The following NTNG1 variants were observed in gnomAD, a reference collection of about 807,000 sequenced individuals.
The protein encoded by NTNG1 is netrin G1, also known as netrin-G1.
A neutral mutation model predicts 54.0 loss-of-function variants in NTNG1; 16 were observed. That is an observed-to-expected ratio of 0.30 (90% CI 0.20 to 0.45). The LOEUF is 0.45. Among genes scored for constraint, NTNG1 ranks in the 20% least tolerant of loss-of-function variants. NTNG1 has a pLI of 1.00. For missense variants in NTNG1, 530 were observed against 678.7 expected, an observed-to-expected ratio of 0.78 and a Z score of 2.43; for synonymous variants, 255 against 263.1, an observed-to-expected ratio of 0.97 and a Z score of 0.30.
In NTNG1 at chr1:107,324,672, G is replaced by A; in HGVS notation, c.637G>A (p.Gly213Arg). Residue 213 changes from glycine (G) to arginine (R), a missense_variant, in exon 3 of 8, where the codon GGG (glycine) becomes AGG (arginine). Gly to Arg is a moderately radical substitution (Grantham distance 125). Coordinates refer to ENST00000370068, the MANE Select transcript of NTNG1 (RefSeq NM_001113226.3). ...CATTTGCACAGAAGAGTACTCAACAGGGTATACAACAAATAGCAAAATAAT... is the reference window on the plus strand; with the variant it reads ...CATTTGCACAGAAGAGTACTCAACAAGGTATACAACAAATAGCAAAATAAT... ...EIICTEEYST[G>R]YTTNSKIIHF... 1 of 1,613,624 alleles carries A rather than the reference G, an allele frequency of 6.2e-7. No individual in the cohort carries two copies. The highest frequency in any genetic ancestry group is 2.2e-5 in the East Asian group (1 of 44,814).
At chr1:107,454,798 A>T (rs912769626) in intron 7 of NTNG1, among the ~76,000 whole-genome samples, 1 of 152,238 alleles carries the variant, frequency 6.6e-6, no homozygotes, top group Admixed American at 6.5e-5. Flanking sequence ...CAATATCCCT[A>T]TAATAGAAGA....
intron 3 of NTNG1, among the ~76,000 whole-genome samples, chr1:107,387,076 C>A (rs61799245): frequency 6.6e-6 from 1 of 152,202 alleles, no homozygotes; most frequent in Non-Finnish European, 1.5e-5. Context: ...AGATTCTTCA[C>A]CCATTTTCTA....
chr1:107,206,544 T>G (rs1287413311), intron 2 of NTNG1, among the ~76,000 whole-genome samples: 1 of 152,128 alleles, frequency 6.6e-6, no homozygotes, highest in African/African-American at 2.4e-5. Flanking sequence ...TGCCATGATG[T>G]TCTTCTCATG....
chr1:107,425,905 T>A (rs937441615), intron 5 of NTNG1, among the ~76,000 whole-genome samples: 6 of 152,176 alleles, frequency 3.9e-5, no homozygotes, highest in African/African-American at 1.4e-4. Context: ...TTAGTGTGAT[T>A]TTAATTTACA....
chr1:107,284,913 T>G (rs1665093847), intron 2 of NTNG1, among the ~76,000 whole-genome samples: 1 of 152,138 alleles, frequency 6.6e-6, no homozygotes, highest in South Asian at 2.1e-4. Context: ...GTCCACTGAC[T>G]TAGAATGATA....
chr1:107,351,277 T>C (rs1669581888), intron 3 of NTNG1, among the ~76,000 whole-genome samples: 1 of 152,216 alleles, frequency 6.6e-6, no homozygotes, highest in Non-Finnish European at 1.5e-5. Context: ...ATGGCTGTTT[T>C]AGTCAGTTTG....
intron 2 of NTNG1, among the ~76,000 whole-genome samples, chr1:107,209,284 T>C (rs1035160326): frequency 6.6e-6 from 1 of 152,090 alleles, no homozygotes; most frequent in Non-Finnish European, 1.5e-5. Context: ...TGACTTTTTT[T>C]GGTCTATTCA....
At chr1:107,455,054 T>G (rs1380520294) in intron 7 of NTNG1, among the ~76,000 whole-genome samples, 1 of 151,416 alleles carries the variant, frequency 6.6e-6, no homozygotes, top group Admixed American at 6.6e-5. Context: ...GTCACTCACA[T>G]GGTGACTATT....
intron 2 of NTNG1, among the ~76,000 whole-genome samples, chr1:107,253,913 G>A (rs1381287164): frequency 6.6e-6 from 1 of 152,192 alleles, no homozygotes; most frequent in Non-Finnish European, 1.5e-5. Flanking sequence ...AGTGAACAGT[G>A]AACAAACACA....
chr1:107,208,442 AAAG>A (rs1178088977), intron 2 of NTNG1, among the ~76,000 whole-genome samples: 401 of 136,346 alleles, frequency 2.9e-3, no homozygotes, highest in African/African-American at 8.6e-3. Flanking sequence ...AAAAAAAAAA[AAAG>A]AAAGAAAGAA....
intron 2 of NTNG1, 52 bp from the exon 3 acceptor site, chr1:107,324,230 A>G: frequency 6.4e-7 from 1 of 1,561,410 alleles, no homozygotes; most frequent in South Asian, 1.2e-5. Context: ...ATATGGCAAG[A>G]CTTGTGGCAA....
intron 2 of NTNG1, among the ~76,000 whole-genome samples, chr1:107,181,779 T>C (rs1381564108): frequency 6.6e-6 from 1 of 152,154 alleles, no homozygotes; most frequent in Non-Finnish European, 1.5e-5. Context: ...TCTAATTTCT[T>C]GTGACACACG....
intron 4 of NTNG1, among the ~76,000 whole-genome samples, chr1:107,399,696 A>C (rs1672897906): frequency 6.6e-6 from 1 of 152,168 alleles, no homozygotes; most frequent in African/African-American, 2.4e-5. Flanking sequence ...CAGAGGAAAA[A>C]GATCTGTTTA....
chr1:107,358,811 C>T (rs1670094566), intron 3 of NTNG1, among the ~76,000 whole-genome samples: 1 of 152,100 alleles, frequency 6.6e-6, no homozygotes. Flanking sequence ...AGCTTTGGTG[C>T]CCCAGAAGTA....
At chr1:107,229,920 C>T (rs933021805) in intron 2 of NTNG1, among the ~76,000 whole-genome samples, 1 of 151,960 alleles carries the variant, frequency 6.6e-6, no homozygotes, top group Non-Finnish European at 1.5e-5. Context: ...AGTTGCTCTG[C>T]TTTGTAATCT....
chr1:107,307,854 G>A (rs931196867), intron 2 of NTNG1, among the ~76,000 whole-genome samples: 1 of 151,922 alleles, frequency 6.6e-6, no homozygotes, highest in Non-Finnish European at 1.5e-5. Context: ...TTTGTCCTTG[G>A]CCTTCTAATC....
intron 3 of NTNG1, among the ~76,000 whole-genome samples, chr1:107,336,315 T>C (rs753002539): frequency 1.3e-5 from 2 of 151,610 alleles, no homozygotes; most frequent in Admixed American, 6.6e-5. Flanking sequence ...CTCACATGTA[T>C]GGTCAAATAA....
chr1:107,375,062 C>T (rs1389662535), intron 3 of NTNG1, among the ~76,000 whole-genome samples: 1 of 152,174 alleles, frequency 6.6e-6, no homozygotes, highest in Non-Finnish European at 1.5e-5. Flanking sequence ...TTCTCTAATA[C>T]TTTTGGAGGT....
chr1:107,474,688 T>C (rs895596591), intron 7 of NTNG1, among the ~76,000 whole-genome samples: 1 of 152,184 alleles, frequency 6.6e-6, no homozygotes, highest in African/African-American at 2.4e-5. Context: ...GCCTTCTTGT[T>C]GCACCATAAC....
Sources: gnomAD v4.1 joint callset for allele counts (sites outside exome capture counted in the v4.1 genomes callset) on GRCh38, gnomAD v4.1.1 for gene constraint, MANE v1.5 for transcripts, NCBI Gene and HGNC (gene_info 2026-07-23, HGNC 2026-07-21) for gene names.